The following CSNK1G1 variants were observed in gnomAD, a reference collection of about 807,000 sequenced individuals.
CSNK1G1 encodes casein kinase I isoform gamma-1.
In CSNK1G1, 22 loss-of-function variants were observed where a neutral mutation model predicts 59.6. The observed-to-expected ratio is 0.37, with a 90% CI of 0.26 to 0.53. The LOEUF (loss-of-function observed/expected upper bound fraction) is 0.53, where lower values mean the gene tolerates loss of function less well. CSNK1G1 is among the 20% of genes least tolerant of loss of function. The probability of loss-of-function intolerance (pLI) is 0.89; values close to 1 mark genes in which losing one functional copy is unlikely to be tolerated. For synonymous variants in CSNK1G1, 179 were observed against 177.1 expected (o/e 1.01, Z -0.08); for missense variants, 384 against 519.5 (o/e 0.74, Z 2.54).
chr15:64,347,037 T>G (rs1263757547), intron 1 of CSNK1G1, among the ~76,000 whole-genome samples: 3 of 151,996 alleles, frequency 2.0e-5, no homozygotes, highest in African/African-American at 7.3e-5. Context: ...TATAGAAATG[T>G]CAAACATACA....
intron 1 of CSNK1G1, among the ~76,000 whole-genome samples, chr15:64,349,335 C>T (rs1454492275): frequency 6.6e-6 from 1 of 152,026 alleles, no homozygotes; most frequent in African/African-American, 2.4e-5. Context: ...CAGGCTTCTC[C>T]CTTTTCGTGG....
At chr15:64,203,474 G>A (rs556953996) in intron 9 of CSNK1G1, among the ~76,000 whole-genome samples, 26 of 151,924 alleles carry the variant, frequency 1.7e-4, no homozygotes, top group Admixed American at 3.9e-4. Flanking sequence ...GAGGTGAGTG[G>A]ATCACCTGAG....
intron 4 of CSNK1G1, among the ~76,000 whole-genome samples, chr15:64,233,420 G>A (rs1004753448): frequency 6.6e-6 from 1 of 151,766 alleles, no homozygotes; most frequent in African/African-American, 2.4e-5. Context: ...TTTTATAAAT[G>A]TAATTAAAGG....
chr15:64,181,557 T>TTATAC, intron 10 of CSNK1G1: 3 of 901,090 alleles, frequency 3.3e-6, no homozygotes, highest in Non-Finnish European at 4.9e-6. Context: ...AGAAAATGTA[T>TTATAC]GAGACTGTCT....
chr15:64,276,758 A>G (rs1893640581), intron 2 of CSNK1G1, among the ~76,000 whole-genome samples: 3 of 152,240 alleles, frequency 2.0e-5, no homozygotes, highest in Admixed American at 2.0e-4. Flanking sequence ...ATCCTGGCTA[A>G]CACAGTGAAA....
At chr15:64,348,627 G>A (rs1295261327) in intron 1 of CSNK1G1, among the ~76,000 whole-genome samples, 1 of 152,088 alleles carries the variant, frequency 6.6e-6, no homozygotes, top group Admixed American at 6.5e-5. Flanking sequence ...ATTTCTCTCT[G>A]CTCACCAGCA....
intron 4 of CSNK1G1, among the ~76,000 whole-genome samples, chr15:64,248,645 A>T (rs1332185235): frequency 6.6e-6 from 1 of 152,324 alleles, no homozygotes; most frequent in African/African-American, 2.4e-5. Flanking sequence ...TCAGGATTTT[A>T]AAAATATCCC....
chr15:64,329,955 C>G (rs1429812062), intron 1 of CSNK1G1, among the ~76,000 whole-genome samples: 2 of 151,306 alleles, frequency 1.3e-5, no homozygotes, highest in African/African-American at 4.9e-5. Context: ...GACACATACA[C>G]TCTCCCAAGA....
chr15:64,326,386 G>A (rs983271651), intron 1 of CSNK1G1, among the ~76,000 whole-genome samples: 5 of 152,130 alleles, frequency 3.3e-5, no homozygotes, highest in African/African-American at 1.2e-4. Context: ...CTTCACACCT[G>A]TAATCCCAGC....
At chr15:64,306,570 G>T (rs749553722) in intron 1 of CSNK1G1, among the ~76,000 whole-genome samples, 6 of 152,142 alleles carry the variant, frequency 3.9e-5, no homozygotes, top group Non-Finnish European at 8.8e-5. Flanking sequence ...TTGGAAGAAA[G>T]TTTGGCAGTT....
rs369164703 is a variant in CSNK1G1 at position 64,203,175 on chromosome 15, C to G, written c.1014G>C (p.Gly338=). The G allele has an allele frequency of 1.2e-6, 2 of 1,613,602 alleles. No homozygotes were observed. The highest frequency in any genetic ancestry group is 2.2e-5 in the East Asian group (1 of 44,874). ...ATGCACCAGAATCTACGTGAACTGA[C>G]CCTACTGGAGTAGGCTAGAAAAATG... ...WVGRPIPTPV[G]SVHVDSGASA... The change falls in exon 10 of 12, where the codon GGG becomes GGC. Residue 338 remains glycine (G), a synonymous_variant. Transcript: ENST00000303052.
At chr15:64,184,383 A>C (rs904714209) in intron 10 of CSNK1G1, among the ~76,000 whole-genome samples, 1 of 151,978 alleles carries the variant, frequency 6.6e-6, no homozygotes, top group African/African-American at 2.4e-5. Context: ...CATTATAAAA[A>C]GCTTTATTTG....
rs934841310 is a variant in CSNK1G1, at chr15:64,307,859, T to C, written c.-224-7136A>G. Among the ~76,000 whole-genome samples, 16 of 152,224 alleles carry C rather than the reference T, an allele frequency of 1.1e-4. No individual in the cohort carries two copies. The South Asian group carries it at 1.7e-3, about 16-fold the overall frequency. On this transcript the variant is annotated intron_variant, in intron 1 of 11. Transcript: ENST00000303052. ...CCACCACCACGCCTGGCTAATTTTT[T>C]GTATTTTTAGTAGAGACGGGGTTTC...
chr15:64,271,637 AT>A (rs1338648239), intron 2 of CSNK1G1, among the ~76,000 whole-genome samples: 6 of 152,180 alleles, frequency 3.9e-5, no homozygotes, highest in Non-Finnish European at 8.8e-5. Flanking sequence ...GTTTGATATG[AT>A]TTTGGTTCTT....
At chr15:64,272,026 T>A (rs1399748344) in intron 2 of CSNK1G1, among the ~76,000 whole-genome samples, 1 of 152,168 alleles carries the variant, frequency 6.6e-6, no homozygotes, top group Admixed American at 6.5e-5. Context: ...CTTTTTTGAT[T>A]TTTGTTGGTT....
At chr15:64,264,833 TAA>T (rs1366390014) in intron 2 of CSNK1G1, among the ~76,000 whole-genome samples, 1 of 152,168 alleles carries the variant, frequency 6.6e-6, no homozygotes, top group African/African-American at 2.4e-5. Context: ...CCCTTCATGA[TAA>T]AAACTCTCAA....
rs955871930 is a variant in CSNK1G1 at position 64,285,638 on chromosome 15, T to C, written c.181+14681A>G. ...AAACATTAATCCAAACTACCTGGAA[T>C]AGTCCTTTAATCAAAAAACATTTAG... On this transcript the variant is annotated intron_variant, in intron 2 of 11. Transcript: ENST00000303052. Among the ~76,000 whole-genome samples the C allele has an allele frequency of 6.3e-4, 96 of 152,176 alleles. 1 individual carries two copies. The highest frequency in any genetic ancestry group is 1.9e-4 in the Non-Finnish European group (13 of 68,012).
chr15:64,314,581 A>C (rs76298085), intron 1 of CSNK1G1, among the ~76,000 whole-genome samples: 4 of 151,900 alleles, frequency 2.6e-5, no homozygotes, highest in East Asian at 1.9e-4. Context: ...AAAAAAAAAA[A>C]AACATATCCC....
At chr15:64,227,688 A>G (rs980576218) in intron 4 of CSNK1G1, among the ~76,000 whole-genome samples, 21 of 152,182 alleles carry the variant, frequency 1.4e-4, no homozygotes, top group African/African-American at 4.8e-4. Flanking sequence ...GTCTTTTCCT[A>G]CCACACTTGA....
Sources: allele counts gnomAD v4.1 joint callset (sites outside exome capture counted in the v4.1 genomes callset), GRCh38; gene constraint gnomAD v4.1.1; transcripts MANE v1.5; gene names NCBI Gene and HGNC (gene_info 2026-07-23, HGNC 2026-07-21).